PTAFR: variants seen among roughly 807,000 people sequenced by gnomAD.
PTAFR encodes platelet-activating factor receptor.
PTAFR carries 8 observed loss-of-function variants against 14.7 expected under a neutral mutation model. The observed-to-expected ratio is 0.54, with a 90% confidence interval of 0.32 to 0.98. PTAFR has a LOEUF of 0.98. Among genes scored for constraint, PTAFR ranks in the 50% least tolerant of loss-of-function variants. PTAFR has a pLI of 0.04. For missense variants in PTAFR, 337 were observed against 451.2 expected, an observed-to-expected ratio of 0.75 and a Z score of 2.29; for synonymous variants, 156 against 176.5, an observed-to-expected ratio of 0.88 and a Z score of 0.92.
At chr1:28,162,308 C>T (rs1646332782) in intron 1 of PTAFR, among the ~76,000 whole-genome samples, 1 of 152,182 alleles carries the variant, frequency 6.6e-6, no homozygotes, top group Non-Finnish European at 1.5e-5. Context: ...ACTCAGGGAG[C>T]TTGGCTGGGG....
intron 1 of PTAFR, among the ~76,000 whole-genome samples, chr1:28,172,995 TGCAGTG>T (rs1646467937): frequency 6.8e-6 from 1 of 148,074 alleles, no homozygotes; most frequent in Non-Finnish European, 1.5e-5. Flanking sequence ...GCAGGCTGGG[TGCAGTG>T]GCTCACGCCT....
At chr1:28,175,391 G>C (rs751226191) in intron 1 of PTAFR, among the ~76,000 whole-genome samples, 8 of 151,954 alleles carry the variant, frequency 5.3e-5, no homozygotes, top group Non-Finnish European at 1.2e-4. Flanking sequence ...AGCACCTAAA[G>C]ATAGTGGTGT....
chr1:28,162,535 C>G (rs1646335872), intron 1 of PTAFR, among the ~76,000 whole-genome samples: 2 of 152,096 alleles, frequency 1.3e-5, no homozygotes, highest in African/African-American at 4.8e-5. Flanking sequence ...GTATCAGAAT[C>G]TGTATGTTGG....
chr1:28,161,664 G>C (rs1646325775), intron 1 of PTAFR, among the ~76,000 whole-genome samples: 1 of 152,102 alleles, frequency 6.6e-6, no homozygotes, highest in Non-Finnish European at 1.5e-5. Context: ...GTTTTAAGTA[G>C]AATGACCAGG....
At chr1:28,178,106 G>T (rs993419084), upstream of PTAFR, among the ~76,000 whole-genome samples, 7 of 152,056 alleles carry the variant, frequency 4.6e-5, no homozygotes, top group Admixed American at 1.3e-4. Context: ...ACAGGACCAG[G>T]GTCCCACAGC....
intron 1 of PTAFR, among the ~76,000 whole-genome samples, chr1:28,154,770 C>G (rs12071522): frequency 0.064 from 8,753 of 135,722 alleles, 875 homozygotes; most frequent in African/African-American, 0.22. Context: ...CCAGATCATG[C>G]CTTTGCGCTC....
chr1:28,153,586 A>G (rs1385727828), intron 1 of PTAFR, among the ~76,000 whole-genome samples: 4 of 150,382 alleles, frequency 2.7e-5, no homozygotes, highest in African/African-American at 9.7e-5. Context: ...CTCTACAAAA[A>G]AAAAAAAAAA....
upstream of PTAFR, chr1:28,176,749 G>C (rs1272773590): frequency 1.3e-5 from 2 of 152,918 alleles, no homozygotes; most frequent in African/African-American, 4.8e-5. Context: ...GTGGCCCTAG[G>C]GCCTCTCAAG....
At chr1:28,171,845 G>GTC (rs1557693725) in intron 1 of PTAFR, among the ~76,000 whole-genome samples, 1 of 152,074 alleles carries the variant, frequency 6.6e-6, no homozygotes, top group Admixed American at 6.6e-5. Context: ...TCTGGCCTGG[G>GTC]TCTCTCCTCC....
chr1:28,154,416 C>T (rs1055493527), intron 1 of PTAFR, among the ~76,000 whole-genome samples: 13 of 152,072 alleles, frequency 8.5e-5, no homozygotes, highest in African/African-American at 1.9e-4. Flanking sequence ...AGCTATAGGG[C>T]GAACACCCAG....
intron 1 of PTAFR, among the ~76,000 whole-genome samples, chr1:28,157,026 A>G (rs1196189609): frequency 6.6e-6 from 1 of 152,148 alleles, no homozygotes. Flanking sequence ...GCCCACGCCT[A>G]TTGAGAAAGC....
chr1:28,149,805 C>T lies in PTAFR; in HGVS notation c.*188G>A, dbSNP rs1646157357. ...GCGCCCACAGGCGGATGAAGGGGCTCATTTGAGTTCTGGATTTTCCAACAG... is the reference window on the plus strand; with the variant it reads ...GCGCCCACAGGCGGATGAAGGGGCTTATTTGAGTTCTGGATTTTCCAACAG... On this transcript the variant is annotated 3_prime_UTR_variant, in exon 2 of 2. Coordinates refer to ENST00000373857, the MANE Select transcript of PTAFR (RefSeq NM_000952.5). The T allele has an allele frequency of 1.4e-6, 1 of 689,734 alleles. No individual in the cohort carries two copies. Among genetic ancestry groups the T allele is most frequent in the Non-Finnish European group, 2.4e-6 (1 of 423,024 alleles). The allele number at this position is 689,734 out of a possible 1,614,324, so 42.7% of individuals were successfully genotyped here.
intron 1 of PTAFR, among the ~76,000 whole-genome samples, chr1:28,182,977 G>A (rs139640791): frequency 1.4e-3 from 209 of 152,100 alleles, no homozygotes; most frequent in African/African-American, 4.6e-3. Flanking sequence ...CACCAGGCCC[G>A]GTGGTTTTCA....
At chr1:28,163,459 GCA>G (rs1466523544) in intron 1 of PTAFR, among the ~76,000 whole-genome samples, 1 of 152,200 alleles carries the variant, frequency 6.6e-6, no homozygotes, top group Non-Finnish European at 1.5e-5. Flanking sequence ...AAGGAAGTGT[GCA>G]CAGTCTCCCC....
At position 28,150,050 on chromosome 1, in the gene PTAFR, C is replaced by T. The variant is rs779063749; in HGVS notation, c.972G>A (p.Thr324=). ...SRKCSRATTD[T]VTEVVVPFNQ... is the part of the protein sequence containing the mutation. ...TGAATGGCACAACCACTTCAGTGAC[C>T]GTATCCGTGGTGGCCCGGGAGCATT... Residue 324 remains threonine, a synonymous_variant, in exon 2 of 2, where the codon ACG becomes ACA. Transcript: ENST00000373857. This position sits in a 1 kb window ranked among gnomAD's most constrained non-coding sequence, Gnocchi z 6.3. 6.8e-6 allele frequency: 11 copies of T among 1,613,988 alleles called. No homozygotes were observed. Among genetic ancestry groups the T allele is most frequent in the African/African-American group, 5.3e-5 (4 of 74,904 alleles).
chr1:28,160,558 C>T (rs985495513), intron 1 of PTAFR, among the ~76,000 whole-genome samples: 3 of 149,234 alleles, frequency 2.0e-5, no homozygotes, highest in Non-Finnish European at 3.0e-5. Flanking sequence ...TGCCTCCCCC[C>T]GCCACCCCCC....
intron 1 of PTAFR, among the ~76,000 whole-genome samples, chr1:28,163,099 CTT>C (rs1379247835): frequency 6.6e-6 from 1 of 152,160 alleles, no homozygotes; most frequent in East Asian, 1.9e-4. Flanking sequence ...CCTCAAATCT[CTT>C]TGCCTTTCCA....
At chr1:28,178,746 A>C (rs191423345), upstream of PTAFR, among the ~76,000 whole-genome samples, 66 of 150,928 alleles carry the variant, frequency 4.4e-4, no homozygotes, top group East Asian at 0.012. Flanking sequence ...GTGTTCCTCC[A>C]CTCACCTGCA....
At chr1:28,191,897 C>T (rs1346975901) in intron 1 of PTAFR, among the ~76,000 whole-genome samples, 1 of 151,854 alleles carries the variant, frequency 6.6e-6, no homozygotes, top group Non-Finnish European at 1.5e-5. Flanking sequence ...GAAACCCTGT[C>T]TCTACAAAAA....
Sources: allele counts gnomAD v4.1 joint callset (sites outside exome capture counted in the v4.1 genomes callset), GRCh38; gene constraint gnomAD v4.1.1; non-coding constraint Gnocchi (gnomAD v3.1); transcripts MANE v1.5; gene names NCBI Gene and HGNC (gene_info 2026-07-23, HGNC 2026-07-21).